The following C2orf81 variants were observed in gnomAD, a reference collection of about 807,000 sequenced individuals.
C2orf81 encodes the protein chromosome 2 open reading frame 81, also known as uncharacterized protein C2orf81.
C2orf81 carries 5 observed loss-of-function variants against 7.9 expected under a neutral mutation model. The ratio of observed to expected loss-of-function variants is 0.63; its 90% CI spans 0.33 to 1.33. The LOEUF (loss-of-function observed/expected upper bound fraction) is 1.33. Ranked by LOEUF, C2orf81 falls within the 40% of genes most tolerant of loss-of-function variation. The pLI, the probability that C2orf81 is intolerant of heterozygous loss-of-function variation, is 0.05. For missense variants in C2orf81, 781 were observed against 830.4 expected (o/e 0.94, Z 0.73); for synonymous variants, 346 against 367.4 (o/e 0.94, Z 0.66).
In C2orf81 at chr2:74,414,570, C is replaced by A; in HGVS notation, c.1607G>T (p.Gly536Val). The A allele has an allele frequency of 1.3e-6, 2 of 1,542,118 alleles. No homozygotes were observed. The highest frequency in any genetic ancestry group is 1.8e-6 in the Non-Finnish European group (2 of 1,140,356). ...PQGLELADRE[G>V]QDPGRWPRTT... ...TCGAGGCCATCTGCCAGGATCCTGG[C>A]CCTCCCTGTCTGCCAGCTCCAGACC... Residue 536 changes from glycine (G) to valine (V), a missense_variant, in exon 3 of 3, where the codon GGC becomes GTC. Physicochemically the swap from Gly to Val is moderately radical, Grantham distance 109. Coordinates refer to ENST00000684111, the MANE Select transcript of C2orf81 (RefSeq NM_001316764.3). The surrounding 1 kb of genome is among the most constrained non-coding windows in gnomAD (Gnocchi z 5.3).
rs1676400724 is a variant in C2orf81 at position 74,414,914 on chromosome 2, T to TTGGG, written c.1259_1262dup (p.Gln421HisfsTer26). On this transcript the variant is annotated frameshift_variant, in exon 3 of 3. Coordinates refer to ENST00000684111, the MANE Select transcript of C2orf81 (RefSeq NM_001316764.3). LOFTEE classifies it low-confidence loss of function (END_TRUNC). The surrounding 1 kb of genome is among the most constrained non-coding windows in gnomAD (Gnocchi z 5.3). ...AGACACGGGTGCCGGGGCCGAGGGC[T>TTGGG]TGGGGTTCGGCCCGGGCCTTGGTCT... 7 of 1,544,844 alleles carry TTGGG rather than the reference T, an allele frequency of 4.5e-6. No individual in the cohort carries two copies. The highest frequency in any genetic ancestry group is 1.4e-5 in the African/African-American group (1 of 73,024).
chr2:74,418,496 G>A (rs1253665287), intron 1 of C2orf81: 14 of 1,120,994 alleles, frequency 1.2e-5, no homozygotes, highest in Non-Finnish European at 1.6e-5. Flanking sequence ...GGGCGAACTC[G>A]GCCGCTGGCC....
At chr2:74,419,107 G>C (rs1002221556) in intron 1 of C2orf81, among the ~76,000 whole-genome samples, 6 of 151,998 alleles carry the variant, frequency 3.9e-5, no homozygotes, top group African/African-American at 1.5e-4. Flanking sequence ...CTTGAACCCG[G>C]GAGGCAGAGT....
intron 1 of C2orf81, chr2:74,418,100 G>C (rs1676514683): frequency 2.8e-6 from 2 of 709,018 alleles, no homozygotes; most frequent in Non-Finnish European, 5.2e-6. Context: ...GCAGATCAAA[G>C]CTGTCCAGTC....
chr2:74,414,626 C>A lies in C2orf81; in HGVS notation c.1551G>T (p.Leu517=). 1 of 1,550,086 alleles carries A rather than the reference C, an allele frequency of 6.5e-7. No individual in the cohort carries two copies. The highest frequency in any genetic ancestry group is 8.7e-7 in the Non-Finnish European group (1 of 1,145,996). Reference sequence around the variant, plus strand: ...GAGGCACGCGGGTCCGGCCAGCCCACAGCTCGCCCAGCAGCTCGGCCTTCC... The same window carrying A: ...GAGGCACGCGGGTCCGGCCAGCCCAAAGCTCGCCCAGCAGCTCGGCCTTCC... ...WEGKAELLGE[L]WAGRTRVPPQ... is the part of the protein sequence containing the mutation. Residue 517 remains leucine (L), a synonymous_variant, in exon 3 of 3, where the codon CTG becomes CTT. Coordinates refer to ENST00000684111, the MANE Select transcript of C2orf81 (RefSeq NM_001316764.3). The surrounding 1 kb of genome is among the most constrained non-coding windows in gnomAD (Gnocchi z 5.3).
Position 74,414,824 on chromosome 2 carries a change from TGCGGG to T in C2orf81, c.1348_1352del (p.Pro450ThrfsTer37), listed in dbSNP as rs1437360673. On this transcript the variant is annotated frameshift_variant, in exon 3 of 3. Transcript: ENST00000684111. LOFTEE classifies it low-confidence loss of function (END_TRUNC). This position sits in a 1 kb window ranked among gnomAD's most constrained non-coding sequence, Gnocchi z 5.3. Reference sequence around the variant, plus strand: ...CTAAATTTAAAGTGGGGAACAGGAGTGCGGGGCCCGAGTCCAAGTCACGGAAAGGA... The same window carrying T: ...CTAAATTTAAAGTGGGGAACAGGAGTGCCCGAGTCCAAGTCACGGAAAGGA... The T allele has an allele frequency of 6.4e-7, 1 of 1,550,686 alleles. No individual in the cohort carries two copies. Among genetic ancestry groups the T allele is most frequent in the Non-Finnish European group, 8.7e-7 (1 of 1,146,606 alleles).
chr2:74,415,182 AACACGCCC>A lies in C2orf81; in HGVS notation c.987_994del (p.Val333ProfsTer56). The A allele has an allele frequency of 1.2e-5, 18 of 1,498,360 alleles. No individual in the cohort carries two copies. The highest frequency in any genetic ancestry group is 1.5e-5 in the Non-Finnish European group (17 of 1,143,430). The allele number at this position is 1,498,360 out of a possible 1,614,324, so 92.8% of individuals were successfully genotyped here. ...GCCGCCCACAGAGGGGTAGGACACC[AACACGCCC>A]GAGGCGATGCAGGGCACCCCCTCTG... On this transcript the variant is annotated frameshift_variant, in exon 3 of 3. Coordinates refer to ENST00000684111, the MANE Select transcript of C2orf81 (RefSeq NM_001316764.3). LOFTEE classifies it low-confidence loss of function (END_TRUNC). This position sits in a 1 kb window ranked among gnomAD's most constrained non-coding sequence, Gnocchi z 5.5.
chr2:74,415,674 G>T lies in C2orf81; in HGVS notation c.503C>A (p.Ala168Asp), dbSNP rs1676443963. The change falls in exon 3 of 3, where the codon GCC (alanine) becomes GAC (aspartate). Residue 168 changes from alanine to aspartate, a missense_variant. Ala to Asp is a moderately radical substitution (Grantham distance 126, BLOSUM62 -2). Coordinates refer to ENST00000684111, the MANE Select transcript of C2orf81 (RefSeq NM_001316764.3). This position sits in a 1 kb window ranked among gnomAD's most constrained non-coding sequence, Gnocchi z 5.5. Reference protein sequence around the residue: ...HSSGASPDSSAIAPALPFPTS... With the variant: ...HSSGASPDSSDIAPALPFPTS... The stretch of plus-strand genomic sequence containing the variant: ...CGGAAAGGGGAGAGCAGGAGCAATG[G>T]CAGAGGAGTCCGGAGAGGCTCCTGA... 3 of 1,551,418 alleles carry T rather than the reference G, an allele frequency of 1.9e-6. No individual in the cohort carries two copies. In the South Asian group the frequency reaches 3.6e-5, roughly 18 times the overall value.
At position 74,414,692 on chromosome 2, in the gene C2orf81, G is replaced by T; in HGVS notation, c.1485C>A (p.Pro495=). ...VLPDVARSRS[P]KLWPSVRWPS... ...GCCACCTGACACTGGGCCACAGCTT[G>T]GGGCTGCGGCTGCGGGCCACATCAG... Residue 495 remains proline (P), a synonymous_variant, in exon 3 of 3, where the codon CCC becomes CCA. Transcript: ENST00000684111. The surrounding 1 kb of genome is among the most constrained non-coding windows in gnomAD (Gnocchi z 5.3). 6.5e-7 allele frequency: 1 copy of T among 1,544,866 alleles called. No homozygotes were observed. The highest frequency in any genetic ancestry group is 8.8e-7 in the Non-Finnish European group (1 of 1,142,528).
At position 74,415,969 on chromosome 2, in the gene C2orf81, G is replaced by A. The variant is rs754506234; in HGVS notation, c.249+42C>T. 66 of 1,547,360 alleles carry A rather than the reference G, an allele frequency of 4.3e-5. No individual in the cohort carries two copies. The highest frequency in any genetic ancestry group is 5.5e-5 in the Non-Finnish European group (63 of 1,144,296). The stretch of plus-strand genomic sequence containing the variant: ...GGATCTCAGGTCGGCAGGGAGGGGC[G>A]GGAGAGGGAGACGAGTCTGAAGGAC... On this transcript the variant is annotated intron_variant, in intron 2 of 2. Coordinates refer to ENST00000684111, the MANE Select transcript of C2orf81 (RefSeq NM_001316764.3). The surrounding 1 kb of genome is among the most constrained non-coding windows in gnomAD (Gnocchi z 5.5).
intron 1 of C2orf81, among the ~76,000 whole-genome samples, chr2:74,419,497 G>C (rs1396859727): frequency 6.6e-6 from 1 of 152,196 alleles, no homozygotes; most frequent in Non-Finnish European, 1.5e-5. Flanking sequence ...AGAATACTCA[G>C]CATTGGCAAA....
chr2:74,414,314 T>A lies in C2orf81; in HGVS notation c.*15A>T, dbSNP rs1416664682. ...CACACTTTGGGGGCTGAGTTCTTCA[T>A]TAGCTGTGCTACGGTCACCTGGGCT... On this transcript the variant is annotated 3_prime_UTR_variant, in exon 3 of 3. Transcript: ENST00000684111. The surrounding 1 kb of genome is among the most constrained non-coding windows in gnomAD (Gnocchi z 5.3). The A allele has an allele frequency of 2.1e-6, 3 of 1,451,316 alleles. No individual in the cohort carries two copies. In the South Asian group the frequency reaches 4.4e-5, roughly 21 times the overall value. The allele number at this position is 1,451,316 out of a possible 1,614,324, so 89.9% of individuals were successfully genotyped here.
chr2:74,414,608 G>A lies in C2orf81; in HGVS notation c.1569C>T (p.Arg523=), dbSNP rs528737371. The change falls in exon 3 of 3, where the codon CGC becomes CGT. Residue 523 remains arginine (R), a synonymous_variant. Transcript: ENST00000684111. This position sits in a 1 kb window ranked among gnomAD's most constrained non-coding sequence, Gnocchi z 5.3. ...LLGELWAGRT[R]VPPQGLELAD... ...CCAGCTCCAGACCCTGTGGAGGCACGCGGGTCCGGCCAGCCCACAGCTCGC... is the reference window on the plus strand; with the variant it reads ...CCAGCTCCAGACCCTGTGGAGGCACACGGGTCCGGCCAGCCCACAGCTCGC... 1.5e-5 allele frequency: 24 copies of A among 1,549,636 alleles called. No homozygotes were observed. In the East Asian group the frequency reaches 4.9e-4, roughly 32 times the overall value.
chr2:74,414,336 G>A lies in C2orf81; in HGVS notation c.1841C>T (p.Pro614Leu). The A allele has an allele frequency of 2.7e-6, 4 of 1,482,254 alleles. No individual in the cohort carries two copies. The highest frequency in any genetic ancestry group is 3.6e-6 in the Non-Finnish European group (4 of 1,109,328). 91.8% of individuals were successfully genotyped at this position (1,482,254 alleles called of 1,614,324 possible). A position where few individuals can be genotyped will look rare whatever the true frequency, so the allele number is the denominator to read the frequency against. ...QHPIQTGAPK[P>L]R ...TCATTAGCTGTGCTACGGTCACCTGGGCTTTGGGGCACCTGTCTGGATGGG... is the reference window on the plus strand; with the variant it reads ...TCATTAGCTGTGCTACGGTCACCTGAGCTTTGGGGCACCTGTCTGGATGGG... Residue 614 changes from proline (P) to leucine (L), a missense_variant, in exon 3 of 3, where the codon CCC becomes CTC. Coordinates refer to ENST00000684111, the MANE Select transcript of C2orf81 (RefSeq NM_001316764.3). This position sits in a 1 kb window ranked among gnomAD's most constrained non-coding sequence, Gnocchi z 5.3.
chr2:74,419,041 C>A (rs1000909908), intron 1 of C2orf81, among the ~76,000 whole-genome samples: 27 of 152,012 alleles, frequency 1.8e-4, no homozygotes, highest in African/African-American at 6.3e-4. Flanking sequence ...ATTAGCCAGG[C>A]ATGGTGGTGG....
At chr2:74,418,184 G>A in intron 1 of C2orf81, 1 of 1,310,088 alleles carries the variant, frequency 7.6e-7, no homozygotes, top group Non-Finnish European at 1.1e-6. Flanking sequence ...AGTTTTTTGG[G>A]TCTTCCCCTT....
rs1384903284 is a variant in C2orf81 at position 74,414,732 on chromosome 2, G to A, written c.1445C>T (p.Thr482Ile). Residue 482 changes from threonine (T) to isoleucine (I), a missense_variant, in exon 3 of 3, where the codon ACA (threonine) becomes ATA (isoleucine). Transcript: ENST00000684111. This position sits in a 1 kb window ranked among gnomAD's most constrained non-coding sequence, Gnocchi z 5.3. ...LPNSRIRFLT[T>I]HPVLPDVARS... ...GGCCACATCAGGGAGCACCGGGTGT[G>A]TGGTGAGGAAGCGGATCCTGGAGTT... 3 of 1,549,470 alleles carry A rather than the reference G, an allele frequency of 1.9e-6. No homozygotes were observed. Among genetic ancestry groups the A allele is most frequent in the African/African-American group, 2.7e-5 (2 of 73,054 alleles).
chr2:74,418,355 G>A (rs775971834), intron 1 of C2orf81: 47 of 1,601,010 alleles, frequency 2.9e-5, no homozygotes, highest in Admixed American at 1.5e-4. Flanking sequence ...GGCTGCTTGC[G>A]CGGCCTGCCA....
chr2:74,414,938 C>G lies in C2orf81; in HGVS notation c.1239G>C (p.Lys413Asn). 1 of 1,545,846 alleles carries G rather than the reference C, an allele frequency of 6.5e-7. No homozygotes were observed. The highest frequency in any genetic ancestry group is 1.7e-4 in the Middle Eastern group (1 of 5,964). Residue 413 changes from lysine (K) to asparagine (N), a missense_variant, in exon 3 of 3, where the codon AAG becomes AAC. Physicochemically the swap from Lys to Asn is moderately conservative, Grantham distance 94 (BLOSUM62 0). Transcript: ENST00000684111. This position sits in a 1 kb window ranked among gnomAD's most constrained non-coding sequence, Gnocchi z 5.3. ...CTTGGGGTTCGGCCCGGGCCTTGGT[C>G]TTCTCGCCCCGCTGGCGTCCGCGGT... ...EAYRGRQRGE[K>N]TKARAEPQAL...
Sources: gnomAD v4.1 joint callset for allele counts (sites outside exome capture counted in the v4.1 genomes callset) on GRCh38, gnomAD v4.1.1 for gene constraint, Gnocchi (gnomAD v3.1) non-coding constraint, MANE v1.5 for transcripts, NCBI Gene and HGNC (gene_info 2026-07-23, HGNC 2026-07-21) for gene names.